Variants in DEPDC5 observed in about 807,000 individuals in gnomAD.
DEPDC5 encodes DEP domain containing 5, GATOR1 subcomplex subunit, also known as GATOR1 complex protein DEPDC5.
Under a neutral mutation model 217.3 loss-of-function variants are expected in DEPDC5, and 73 were observed. That is an observed-to-expected ratio of 0.34 (90% CI 0.28 to 0.41). The LOEUF (loss-of-function observed/expected upper bound fraction) is 0.41. Ranked by LOEUF, DEPDC5 falls within the 10% of genes least tolerant of loss-of-function variation. DEPDC5 has a pLI of 1.00. For missense variants in DEPDC5, 1,675 were observed against 2,070.1 expected (o/e 0.81, Z 3.70); for synonymous variants, 733 against 756.7 (o/e 0.97, Z 0.51).
intron 39 of DEPDC5, 118 bp downstream of exon 39, chr22:31,893,869 C>T (rs886547388): frequency 2.0e-5 from 23 of 1,158,176 alleles, no homozygotes; most frequent in African/African-American, 3.2e-5. Context: ...TACCATTCAT[C>T]GGGACTATTG....
chr22:31,901,701 T>G (rs766079813), intron 40 of DEPDC5, 41 bp from the exon 41 acceptor site: 1 of 1,564,576 alleles, frequency 6.4e-7, no homozygotes, highest in East Asian at 2.3e-5. Flanking sequence ...ATTACAAACC[T>G]TGTGATCACA....
At chr22:31,838,643 T>C (rs2148967525) in intron 26 of DEPDC5, 42 bp from the exon 27 acceptor site, 1 of 1,605,506 alleles carries the variant, frequency 6.2e-7, no homozygotes, top group South Asian at 1.1e-5. Flanking sequence ...TGTCACTGTC[T>C]CGGGCCAAGC....
chr22:31,817,941 T>C (rs1047637965), intron 21 of DEPDC5, among the ~76,000 whole-genome samples: 1 of 152,220 alleles, frequency 6.6e-6, no homozygotes, highest in African/African-American at 2.4e-5. Context: ...TTCTCTTCTT[T>C]CCTGCAAAGC....
intron 25 of DEPDC5, among the ~76,000 whole-genome samples, chr22:31,835,101 C>T (rs986905565): frequency 1.3e-5 from 2 of 151,972 alleles, no homozygotes; most frequent in Non-Finnish European, 1.5e-5. Context: ...GAGACCAGCC[C>T]GGGCAATATA....
At chr22:31,880,730 T>G (rs920342657) in intron 38 of DEPDC5, among the ~76,000 whole-genome samples, 10 of 152,102 alleles carry the variant, frequency 6.6e-5, no homozygotes, top group African/African-American at 2.4e-4. Context: ...TGAAACCCTC[T>G]CTATATTAAA....
At chr22:31,820,702 T>C (rs1056485244) in intron 22 of DEPDC5, among the ~76,000 whole-genome samples, 4 of 152,170 alleles carry the variant, frequency 2.6e-5, no homozygotes, top group Non-Finnish European at 4.4e-5. Flanking sequence ...ACCTTCATCT[T>C]TTCATGCTTC....
Position 31,845,252 on chromosome 22 carries a change from G to A in DEPDC5, c.3021+15G>A. 6.2e-7 allele frequency: 1 copy of A among 1,608,676 alleles called. No individual in the cohort carries two copies. The highest frequency in any genetic ancestry group is 8.5e-7 in the Non-Finnish European group (1 of 1,177,562). On this transcript the variant is annotated intron_variant, in intron 30 of 42. Transcript: ENST00000651528. ...GCATGATGCGGGTAAGGGCTCCTTA[G>A]ACTCAGGGAGTGCGCCTGGTGTGAG...
At chr22:31,878,097 G>C (rs540676688) in intron 37 of DEPDC5, among the ~76,000 whole-genome samples, 1 of 151,652 alleles carries the variant, frequency 6.6e-6, no homozygotes, top group East Asian at 2.0e-4. Flanking sequence ...TGAGGCAGGA[G>C]AATCACTTGA....
chr22:31,772,063 G>GCTAA (rs1372262039), intron 7 of DEPDC5, among the ~76,000 whole-genome samples: 4 of 151,866 alleles, frequency 2.6e-5, no homozygotes, highest in African/African-American at 9.7e-5. Context: ...TCAGACTCTG[G>GCTAA]CTAAAATAAC....
intron 14 of DEPDC5, among the ~76,000 whole-genome samples, chr22:31,799,104 T>A (rs914612696): frequency 1.3e-5 from 2 of 151,398 alleles, no homozygotes; most frequent in Non-Finnish European, 1.5e-5. Context: ...AGTGCAGTGA[T>A]GCGATCTTGG....
intron 24 of DEPDC5, among the ~76,000 whole-genome samples, chr22:31,827,149 TG>T (rs2090215828): frequency 6.6e-6 from 1 of 152,042 alleles, no homozygotes; most frequent in Non-Finnish European, 1.5e-5. Flanking sequence ...TATTGTTAAG[TG>T]GGGTCATCTT....
At chr22:31,888,457 G>A (rs1048699713) in intron 38 of DEPDC5, among the ~76,000 whole-genome samples, 2 of 151,856 alleles carry the variant, frequency 1.3e-5, no homozygotes, top group African/African-American at 4.8e-5. Flanking sequence ...TCACCATGTT[G>A]GTCAGGCTGG....
rs549548168 is a variant in DEPDC5, at chr22:31,791,571, A to G, written c.625-462A>G. On this transcript the variant is annotated intron_variant, in intron 10 of 42. Coordinates refer to ENST00000651528, the MANE Select transcript of DEPDC5 (RefSeq NM_001242896.3). ...CTTGAACCTGGGAGGTGGAGGCTGC[A>G]ATGAGCCGAGATTGTGCCACTGCAC... 6.7e-5 allele frequency among the ~76,000 whole-genome samples: 10 copies of G among 150,214 alleles called. No individual in the cohort carries two copies. In the South Asian group the frequency reaches 1.9e-3, roughly 29 times the overall value.
chr22:31,857,381 C>T (rs1336427109), intron 31 of DEPDC5, 64 bp from the exon 32 acceptor site: 9 of 1,407,512 alleles, frequency 6.4e-6, no homozygotes, highest in African/African-American at 1.4e-5. Flanking sequence ...GCATCTTGGC[C>T]GACATGGATC....
At chr22:31,798,489 G>T (rs2148586069) in intron 13 of DEPDC5, 93 bp from the exon 14 acceptor site, 1 of 1,117,424 alleles carries the variant, frequency 8.9e-7, no homozygotes, top group Non-Finnish European at 1.2e-6. Flanking sequence ...CTCCACTCCA[G>T]CCTGGGTGAC....
intron 6 of DEPDC5, 31 bp from the exon 7 acceptor site, chr22:31,768,783 T>C: frequency 1.4e-6 from 2 of 1,404,022 alleles, no homozygotes; most frequent in East Asian, 2.4e-5. Flanking sequence ...CCTCCCTCCC[T>C]CTCTCTACCC....
At chr22:31,897,454 T>TA in intron 39 of DEPDC5, 28 bp from the exon 40 acceptor site, 1 of 1,580,054 alleles carries the variant, frequency 6.3e-7, no homozygotes, top group Non-Finnish European at 8.6e-7. Flanking sequence ...TTGGAGATGA[T>TA]ATTGTTTGTT....
At position 31,877,156 on chromosome 22, in the gene DEPDC5, C is replaced by G. The variant is rs550739156; in HGVS notation, c.3805+891C>G. Among the ~76,000 whole-genome samples, 3 of 152,064 alleles carry G rather than the reference C, an allele frequency of 2.0e-5. No homozygotes were observed. In the South Asian group the frequency reaches 6.2e-4, roughly 32 times the overall value. On this transcript the variant is annotated intron_variant, in intron 37 of 42. Transcript: ENST00000651528. ...ACTCCGTCTCAAAAACAACAGCCGGCTGGGCACTGCGGCTCACGCCTATAA... is the reference window on the plus strand; with the variant it reads ...ACTCCGTCTCAAAAACAACAGCCGGGTGGGCACTGCGGCTCACGCCTATAA...
rs1197483586 is a variant in DEPDC5 at position 31,784,863 on chromosome 22, T to C, written c.612T>C (p.Phe204=). ...KAVNGFLADL[F]TKWKEKNCSH... ...TGAATGGTTTCCTTGCTGATCTATTTACCAAGTGGAAGGTACATTTCTTCT... is the reference window on the plus strand; with the variant it reads ...TGAATGGTTTCCTTGCTGATCTATTCACCAAGTGGAAGGTACATTTCTTCT... Residue 204 remains phenylalanine (F), a synonymous_variant, in exon 10 of 43, where the codon TTT becomes TTC. Coordinates refer to ENST00000651528, the MANE Select transcript of DEPDC5 (RefSeq NM_001242896.3). 1 of 1,613,182 alleles carries C rather than the reference T, an allele frequency of 6.2e-7. No individual in the cohort carries two copies.
Sources: gnomAD v4.1 joint callset for allele counts (sites outside exome capture counted in the v4.1 genomes callset) on GRCh38, gnomAD v4.1.1 for gene constraint, MANE v1.5 for transcripts, NCBI Gene and HGNC (gene_info 2026-07-23, HGNC 2026-07-21) for gene names.